The following KIF16B variants were observed in gnomAD, a reference collection of about 807,000 sequenced individuals.
The protein encoded by KIF16B is kinesin family member 16B.
In KIF16B, 98 loss-of-function variants were observed where a neutral mutation model predicts 156.3. That is an observed-to-expected ratio of 0.63 (90% CI 0.53 to 0.74). The LOEUF is 0.74. Among genes scored for constraint, KIF16B ranks in the 30% least tolerant of loss-of-function variants. KIF16B has a pLI of 0.00. For synonymous variants in KIF16B, 564 were observed against 583.7 expected, an observed-to-expected ratio of 0.97 and a Z score of 0.49; for missense variants, 1,421 against 1,606.5, an observed-to-expected ratio of 0.88 and a Z score of 1.97.
chr20:16,545,840 C>T (rs1451344648), intron 1 of KIF16B, among the ~76,000 whole-genome samples: 1 of 151,758 alleles, frequency 6.6e-6, no homozygotes, highest in African/African-American at 2.4e-5. Context: ...TCTTCATCCA[C>T]ATCACTATAA....
At chr20:16,429,416 G>A (rs1192495777) in intron 13 of KIF16B, among the ~76,000 whole-genome samples, 1 of 152,134 alleles carries the variant, frequency 6.6e-6, no homozygotes, top group African/African-American at 2.4e-5. Flanking sequence ...AGGTTACAGG[G>A]GCATCCATTA....
chr20:16,350,439 A>G (rs1326313023), intron 23 of KIF16B, among the ~76,000 whole-genome samples: 1 of 152,098 alleles, frequency 6.6e-6, no homozygotes, highest in Admixed American at 6.5e-5. Flanking sequence ...TGTTAAGGAA[A>G]GCCAAGACAA....
At chr20:16,545,245 T>A (rs2070360257) in intron 1 of KIF16B, among the ~76,000 whole-genome samples, 1 of 152,076 alleles carries the variant, frequency 6.6e-6, no homozygotes, top group Admixed American at 6.6e-5. Flanking sequence ...AAAATGGAAA[T>A]TTAGGCCGGG....
At chr20:16,466,332 A>G (rs2067489322) in intron 12 of KIF16B, among the ~76,000 whole-genome samples, 1 of 152,202 alleles carries the variant, frequency 6.6e-6, no homozygotes, top group Admixed American at 6.5e-5. Context: ...TACAAGGCAA[A>G]TGGCTACCCC....
In KIF16B at chr20:16,296,752, G is replaced by A. The variant is rs529681594; in HGVS notation, c.3795+15583C>T. Among the ~76,000 whole-genome samples the A allele has an allele frequency of 2.0e-5, 3 of 152,308 alleles. No homozygotes were observed. In the South Asian group the frequency reaches 6.2e-4, roughly 32 times the overall value. On this transcript the variant is annotated intron_variant, in intron 25 of 25. Transcript: ENST00000354981. ...TCTGGGGTGAATAAAAATGGCTTCC[G>A]TGATGGTCAATTTTATGTGTTAGAT... is the stretch of plus-strand genomic sequence containing the variant.
chr20:16,298,156 T>C (rs1231066651), intron 25 of KIF16B, among the ~76,000 whole-genome samples: 1 of 152,236 alleles, frequency 6.6e-6, no homozygotes, highest in African/African-American at 2.4e-5. Flanking sequence ...TGAATCAGAA[T>C]ATACTGGAAC....
At chr20:16,299,251 T>C (rs1414098617) in intron 25 of KIF16B, among the ~76,000 whole-genome samples, 1 of 152,156 alleles carries the variant, frequency 6.6e-6, no homozygotes, top group East Asian at 1.9e-4. Flanking sequence ...TGTGTGCATA[T>C]AAATAAGATT....
intron 24 of KIF16B, among the ~76,000 whole-genome samples, chr20:16,319,603 G>T (rs2063745590): frequency 6.6e-6 from 1 of 152,212 alleles, no homozygotes; most frequent in Non-Finnish European, 1.5e-5. Flanking sequence ...CCTGCTGCTA[G>T]AGCCAGTATT....
At chr20:16,404,784 C>G in intron 17 of KIF16B, 29 bp downstream of exon 17, 1 of 1,518,548 alleles carries the variant, frequency 6.6e-7, no homozygotes, top group African/African-American at 1.4e-5. Context: ...GTGATCATCA[C>G]AGGGAAGGAG....
rs968214613 is a variant in KIF16B at position 16,378,789 on chromosome 20, T to C, written c.3197+16A>G. The C allele has an allele frequency of 6.3e-7, 1 of 1,577,840 alleles. No homozygotes were observed. Among genetic ancestry groups the C allele is most frequent in the Non-Finnish European group, 8.6e-7 (1 of 1,163,272 alleles). On this transcript the variant is annotated intron_variant, in intron 19 of 25. Transcript: ENST00000354981. ...TGGCACCCACTGTATGCCACACCCT[T>C]CCTTCCCAATCTCACCTCTCCTGGT...
rs189956174 is a variant in KIF16B, at chr20:16,388,479, T to C, written c.1785-6732A>G. Among the ~76,000 whole-genome samples, 536 of 152,338 alleles carry C rather than the reference T, an allele frequency of 3.5e-3. 4 individuals are homozygous for C. The highest frequency in any genetic ancestry group is 0.012 in the African/African-American group (494 of 41,568). ...TTATCTTACTTTACTGGAATTATCA[T>C]GGCCCCCCATTCTAATTTCCCAAAT... is the stretch of plus-strand genomic sequence containing the variant. On this transcript the variant is annotated intron_variant, in intron 17 of 25. Coordinates refer to ENST00000354981, the MANE Select transcript of KIF16B (RefSeq NM_024704.5).
intron 12 of KIF16B, among the ~76,000 whole-genome samples, chr20:16,454,842 C>A (rs992750254): frequency 2.0e-5 from 3 of 152,022 alleles, no homozygotes; most frequent in African/African-American, 7.3e-5. Context: ...AGCAATAGTA[C>A]CCCAGCAGCA....
chr20:16,370,806 A>G (rs1004462867), intron 21 of KIF16B, among the ~76,000 whole-genome samples, 170 bp from the exon 22 acceptor site: 8 of 152,200 alleles, frequency 5.3e-5, no homozygotes, highest in African/African-American at 1.9e-4. Context: ...ACATGACTCT[A>G]TTGATCCATC....
intron 1 of KIF16B, among the ~76,000 whole-genome samples, chr20:16,567,942 A>G (rs1257437277): frequency 6.6e-6 from 1 of 152,196 alleles, no homozygotes; most frequent in Non-Finnish European, 1.5e-5. Flanking sequence ...ACAGAGCGAG[A>G]CTTCGTCTCA....
intron 22 of KIF16B, among the ~76,000 whole-genome samples, chr20:16,364,864 T>G (rs2064628073): frequency 6.6e-6 from 1 of 152,242 alleles, no homozygotes; most frequent in Admixed American, 6.5e-5. Context: ...GATATGATTT[T>G]TATACGATGC....
chr20:16,530,263 C>T (rs1396026518), intron 1 of KIF16B, among the ~76,000 whole-genome samples: 1 of 152,184 alleles, frequency 6.6e-6, no homozygotes, highest in Non-Finnish European at 1.5e-5. Context: ...CACACCCTGT[C>T]GTGTGCGATC....
intron 1 of KIF16B, among the ~76,000 whole-genome samples, chr20:16,529,038 T>C (rs1313617555): frequency 6.6e-6 from 1 of 152,268 alleles, no homozygotes; most frequent in Non-Finnish European, 1.5e-5. Context: ...GGAAGATCCC[T>C]ATATCTGTTA....
chr20:16,337,836 A>G (rs555022370), intron 23 of KIF16B, among the ~76,000 whole-genome samples: 23 of 152,334 alleles, frequency 1.5e-4, no homozygotes, highest in Middle Eastern at 3.4e-3. Flanking sequence ...CTGGAGCACA[A>G]GTGGGCCCTG....
chr20:16,408,893 T>G (rs1042684850), intron 15 of KIF16B, among the ~76,000 whole-genome samples: 4 of 152,112 alleles, frequency 2.6e-5, no homozygotes, highest in Admixed American at 2.6e-4. Context: ...AAAATTTGCT[T>G]CATTTTTACA....
Sources: gnomAD v4.1 joint callset for allele counts (sites outside exome capture counted in the v4.1 genomes callset) on GRCh38, gnomAD v4.1.1 for gene constraint, MANE v1.5 for transcripts, NCBI Gene and HGNC (gene_info 2026-07-23, HGNC 2026-07-21) for gene names.